Variants in WIPI2 observed in about 807,000 individuals in gnomAD.
WIPI2 encodes WD repeat domain phosphoinositide-interacting protein 2.
Under a neutral mutation model 52.3 loss-of-function variants are expected in WIPI2, and 28 were observed. The observed-to-expected ratio is 0.54, with a 90% CI of 0.40 to 0.73. WIPI2 has a LOEUF of 0.73. Among genes scored for constraint, WIPI2 ranks in the 30% least tolerant of loss-of-function variants. The pLI is 0.00. For synonymous variants in WIPI2, 268 were observed against 245.0 expected (o/e 1.09, Z -0.88); for missense variants, 506 against 602.9 (o/e 0.84, Z 1.68).
In WIPI2 at chr7:5,227,368, C is replaced by T. The variant is rs764581414; in HGVS notation, c.1013+24C>T. 2.5e-6 allele frequency: 4 copies of T among 1,607,820 alleles called. No individual in the cohort carries two copies. The highest frequency in any genetic ancestry group is 2.7e-5 in the African/African-American group (2 of 74,918). ...ACGTGAGTAGAGCCGGCGCCTCCGT[C>T]CCCCACCCCGTGTGCCTCAGGCCGA... On this transcript the variant is annotated intron_variant, in intron 10 of 12. Transcript: ENST00000288828. The surrounding 1 kb of genome is among the most constrained non-coding windows in gnomAD (Gnocchi z 8.1).
chr7:5,193,207 T>C, intron 2 of WIPI2, 36 bp downstream of exon 2: 1 of 1,609,738 alleles, frequency 6.2e-7, no homozygotes, highest in Non-Finnish European at 8.5e-7. Context: ...AGTATCACCT[T>C]GGAAGGCTTA....
At chr7:5,224,390 T>C (rs559519141) in intron 8 of WIPI2, among the ~76,000 whole-genome samples, 1 of 152,250 alleles carries the variant, frequency 6.6e-6, no homozygotes, top group South Asian at 2.1e-4. Context: ...CTGTGGCAAA[T>C]GGAATATTTG....
At chr7:5,218,992 G>A (rs1013361843) in intron 7 of WIPI2, 2 of 151,826 alleles carry the variant, frequency 1.3e-5, no homozygotes, top group African/African-American at 4.8e-5. Context: ...TCAAACTATT[G>A]ACCAGAGAAG....
rs567161678 is a variant in WIPI2, at chr7:5,231,969, A to G, written c.*1022A>G. ...TGTGCCTTTCTATTTTCATCTTAGA[A>G]AATTTCCTCAGCAAACCGATGAGAG... On this transcript the variant is annotated 3_prime_UTR_variant, in exon 13 of 13. Transcript: ENST00000288828. 6.9e-4 allele frequency: 267 copies of G among 387,970 alleles called. 1 individual carries two copies. Among genetic ancestry groups the G allele is most frequent in the Non-Finnish European group, 1.2e-3 (253 of 219,568 alleles). The allele number at this position is 387,970 out of a possible 1,614,324, so 24.0% of individuals were successfully genotyped here.
Position 5,205,489 on chromosome 7 carries a change from C to T in WIPI2, c.211+5831C>T, listed in dbSNP as rs571376007. On this transcript the variant is annotated intron_variant, in intron 3 of 12. Transcript: ENST00000288828. ...TTCAGGAAGCCCATCCAGTTATCCA[C>T]GGACACCTGGTCTTTGCAGTTGGCC... 3.3e-5 allele frequency among the ~76,000 whole-genome samples: 5 copies of T among 152,284 alleles called. 2 individuals are homozygous for T. Among genetic ancestry groups the T allele is most frequent in the African/African-American group, 1.2e-4 (5 of 41,552 alleles).
chr7:5,199,338 A>G (rs1781915158), intron 2 of WIPI2, among the ~76,000 whole-genome samples: 1 of 152,226 alleles, frequency 6.6e-6, no homozygotes, highest in African/African-American at 2.4e-5. Flanking sequence ...CACCACATCC[A>G]GCCTCAGAAA....
intron 3 of WIPI2, among the ~76,000 whole-genome samples, chr7:5,201,097 G>A (rs549360765): frequency 7.9e-5 from 12 of 152,344 alleles, no homozygotes; most frequent in African/African-American, 2.6e-4. Flanking sequence ...CCTTCCTGAA[G>A]TCCTGTCACC....
At chr7:5,205,940 T>G (rs1223257837) in intron 3 of WIPI2, among the ~76,000 whole-genome samples, 1 of 152,098 alleles carries the variant, frequency 6.6e-6, no homozygotes, top group East Asian at 1.9e-4. Context: ...GTTGGGTTAT[T>G]TATCTCCTAA....
intron 2 of WIPI2, among the ~76,000 whole-genome samples, chr7:5,193,831 G>A (rs75371123): frequency 1.2e-4 from 18 of 152,262 alleles, no homozygotes; most frequent in African/African-American, 4.1e-4. Context: ...TCCTGCCTCA[G>A]CCTCCAGAGC....
At chr7:5,214,128 C>T in intron 3 of WIPI2, 1 of 475,350 alleles carries the variant, frequency 2.1e-6, no homozygotes, top group Non-Finnish European at 3.3e-6. Context: ...TAGGCTAGCG[C>T]TCAGCACATG....
rs1423491976 is a variant in WIPI2 at position 5,217,061 on chromosome 7, G to C, written c.479-29G>C. On this transcript the variant is annotated intron_variant, in intron 5 of 12. Coordinates refer to ENST00000288828, the MANE Select transcript of WIPI2 (RefSeq NM_015610.4). ...AGAAGGAACTCTCAGGTGGAAGTTT[G>C]CATCTCGTCCTCCGTGTGTCATTTG... 3 of 1,591,846 alleles carry C rather than the reference G, an allele frequency of 1.9e-6. No individual in the cohort carries two copies. The African/African-American group carries it at 4.0e-5, about 21-fold the overall frequency.
At chr7:5,214,026 C>G (rs1420696769) in intron 3 of WIPI2, among the ~76,000 whole-genome samples, 1 of 152,204 alleles carries the variant, frequency 6.6e-6, no homozygotes, top group Non-Finnish European at 1.5e-5. Flanking sequence ...CGTTTTGTGA[C>G]ATGAGTGTAA....
At position 5,214,674 on chromosome 7, in the gene WIPI2, C is replaced by T. The variant is rs760376752; in HGVS notation, c.351C>T (p.Asn117=). ...AGATCTGCAACTACAGCTACTCCAA[C>T]ACGATTCTGGCTGTGAAGCTCAACA... ...GTEICNYSYS[N]TILAVKLNRQ... is the part of the protein sequence containing the mutation. The change falls in exon 4 of 13, where the codon AAC becomes AAT. Residue 117 remains asparagine, a synonymous_variant. Coordinates refer to ENST00000288828, the MANE Select transcript of WIPI2 (RefSeq NM_015610.4). 2 of 1,614,122 alleles carry T rather than the reference C, an allele frequency of 1.2e-6. No individual in the cohort carries two copies. Among genetic ancestry groups the T allele is most frequent in the African/African-American group, 2.7e-5 (2 of 74,952 alleles).
intron 8 of WIPI2, chr7:5,222,879 C>T (rs1583585428): frequency 7.9e-6 from 4 of 507,098 alleles, no homozygotes; most frequent in African/African-American, 3.9e-5. Context: ...TTTTTGTTTG[C>T]GATCCCACCA....
At chr7:5,224,586 G>A (rs376915778) in intron 8 of WIPI2, among the ~76,000 whole-genome samples, 31 of 152,280 alleles carry the variant, frequency 2.0e-4, no homozygotes, top group African/African-American at 6.0e-4. Flanking sequence ...CTTGGGTGGG[G>A]AGAAGCCAGT....
At position 5,229,821 on chromosome 7, in the gene WIPI2, C is replaced by T. The variant is rs1045677073; in HGVS notation, c.1252+83C>T. The T allele has an allele frequency of 2.6e-6, 4 of 1,556,624 alleles. No individual in the cohort carries two copies. In the South Asian group the frequency reaches 4.8e-5, roughly 19 times the overall value. On this transcript the variant is annotated intron_variant, in intron 12 of 12. Transcript: ENST00000288828. ...GCCTTCTGCTGGCTCCGGAGCCACC[C>T]CACCAGCTCCTCACTGGGAAAGATG...
At chr7:5,194,845 C>T (rs1781666105) in intron 2 of WIPI2, among the ~76,000 whole-genome samples, 1 of 151,982 alleles carries the variant, frequency 6.6e-6, no homozygotes, top group Non-Finnish European at 1.5e-5. Context: ...TGGAAGCTAG[C>T]GAGTGGTAAA....
At chr7:5,212,410 A>G (rs1475221570) in intron 3 of WIPI2, among the ~76,000 whole-genome samples, 1 of 152,200 alleles carries the variant, frequency 6.6e-6, no homozygotes, top group African/African-American at 2.4e-5. Flanking sequence ...GTGAGAGGCT[A>G]GACAGTGGCC....
chr7:5,198,269 C>G (rs892951472), intron 2 of WIPI2, among the ~76,000 whole-genome samples: 4 of 152,088 alleles, frequency 2.6e-5, no homozygotes, highest in African/African-American at 9.7e-5. Context: ...CTGCGCCCAC[C>G]TCGATTTTAA....
Sources: gnomAD v4.1 joint callset for allele counts (sites outside exome capture counted in the v4.1 genomes callset) on GRCh38, gnomAD v4.1.1 for gene constraint, Gnocchi (gnomAD v3.1) non-coding constraint, MANE v1.5 for transcripts, NCBI Gene and HGNC (gene_info 2026-07-23, HGNC 2026-07-21) for gene names.